RNF32: variants seen among roughly 807,000 people sequenced by gnomAD.
RNF32 encodes the protein ring finger protein 32.
A neutral mutation model predicts 41.0 loss-of-function variants in RNF32; 36 were observed. The observed-to-expected ratio is 0.88, with a 90% CI of 0.67 to 1.16. The LOEUF (loss-of-function observed/expected upper bound fraction) is 1.16. RNF32 is among the 50% of genes most tolerant of loss of function. RNF32 has a pLI of 0.00. For missense variants in RNF32, 413 were observed against 436.7 expected, an observed-to-expected ratio of 0.95 and a Z score of 0.48; for synonymous variants, 154 against 160.9, an observed-to-expected ratio of 0.96 and a Z score of 0.32.
At chr7:156,649,794 C>G (rs1254339047) in intron 3 of RNF32, among the ~76,000 whole-genome samples, 1 of 152,140 alleles carries the variant, frequency 6.6e-6, no homozygotes, top group African/African-American at 2.4e-5. Flanking sequence ...TTTTCACATT[C>G]ACTGTTGCAT....
At chr7:156,652,082 A>C (rs138926105) in intron 3 of RNF32, among the ~76,000 whole-genome samples, 28 of 152,306 alleles carry the variant, frequency 1.8e-4, no homozygotes, top group African/African-American at 6.3e-4. Flanking sequence ...ACCCACACAG[A>C]AGCTCACATG....
At chr7:156,643,681 CCCTGTAGCAGGCATT>C (rs1359752766) in intron 1 of RNF32, 105 bp from the exon 2 acceptor site, 1 of 611,110 alleles carries the variant, frequency 1.6e-6, no homozygotes, top group Non-Finnish European at 2.9e-6. Flanking sequence ...CTTAGTGCCA[CCCTGTAGCAGGCATT>C]CCTGCTGCTT....
At chr7:156,676,182 C>G in intron 8 of RNF32, 2 of 1,277,104 alleles carry the variant, frequency 1.6e-6, no homozygotes, top group Non-Finnish European at 2.1e-6. Flanking sequence ...TTGGATGTTG[C>G]TTATCACAGG....
At chr7:156,660,684 A>G (rs915584073) in intron 7 of RNF32, among the ~76,000 whole-genome samples, 1 of 152,202 alleles carries the variant, frequency 6.6e-6, no homozygotes, top group African/African-American at 2.4e-5. Flanking sequence ...ACAATAAGAA[A>G]TATCTTCTAA....
rs1338660509 is a variant in RNF32, at chr7:156,670,375, C to A, written c.685-5321C>A. On this transcript the variant is annotated intron_variant, in intron 7 of 8. Coordinates refer to ENST00000317955, the MANE Select transcript of RNF32 (RefSeq NM_030936.4). This position sits in a 1 kb window ranked among gnomAD's most constrained non-coding sequence, Gnocchi z 4.3. ...CCTGCGTTTTGCATCCCCTGGAAAGCGGGTCCAGGGAAGTGACTTGCCTAA... is the reference window on the plus strand; with the variant it reads ...CCTGCGTTTTGCATCCCCTGGAAAGAGGGTCCAGGGAAGTGACTTGCCTAA... 6.6e-6 allele frequency among the ~76,000 whole-genome samples: 1 copy of A among 152,184 alleles called. No homozygotes were observed.
chr7:156,658,081 TTATAAG>T, intron 5 of RNF32, 41 bp from the exon 6 acceptor site: 1 of 1,576,268 alleles, frequency 6.3e-7, no homozygotes, highest in Non-Finnish European at 8.7e-7. Context: ...AAAACGTTGT[TTATAAG>T]TAATTACTTG....
intron 3 of RNF32, among the ~76,000 whole-genome samples, chr7:156,653,502 A>T (rs1486982032): frequency 2.0e-5 from 3 of 152,230 alleles, no homozygotes; most frequent in Non-Finnish European, 4.4e-5. Context: ...TAAAAGCCCA[A>T]GAGCTCTTTC....
At chr7:156,676,241 G>A in intron 8 of RNF32, 178 bp from the exon 9 acceptor site, 2 of 1,492,848 alleles carry the variant, frequency 1.3e-6, no homozygotes, top group Non-Finnish European at 1.8e-6. Context: ...GAGTATATGT[G>A]TGTGTATATA....
chr7:156,657,520 G>A lies in RNF32; in HGVS notation c.418-21G>A, dbSNP rs370380281. On this transcript the variant is annotated intron_variant, in intron 4 of 8. Transcript: ENST00000317955. ...CTTCTCTTTTGTAAACTTCAACGTC[G>A]TTCTGTTTCCTCATGAACAGGTGCT... 8.1e-5 allele frequency: 130 copies of A among 1,613,770 alleles called. No individual in the cohort carries two copies. In the African/African-American group the frequency reaches 1.0e-3, roughly 13 times the overall value.
intron 7 of RNF32, chr7:156,659,993 T>C: frequency 2.0e-6 from 2 of 985,536 alleles, no homozygotes; most frequent in South Asian, 4.7e-5. Flanking sequence ...GGCAGATTCA[T>C]AGCTCTGTCC....
chr7:156,675,889 C>T, intron 8 of RNF32, 26 bp downstream of exon 8: 1 of 1,604,756 alleles, frequency 6.2e-7, no homozygotes, highest in Non-Finnish European at 8.5e-7. Flanking sequence ...AGCCTGGCAA[C>T]CAGCAGACTC....
intron 7 of RNF32, among the ~76,000 whole-genome samples, chr7:156,661,878 A>T (rs1800718217): frequency 6.6e-6 from 1 of 152,190 alleles, no homozygotes; most frequent in South Asian, 2.1e-4. Flanking sequence ...GCTGAACTGT[A>T]ATCTTACCTC....
In RNF32 at chr7:156,669,622, C is replaced by T. The variant is rs535201646; in HGVS notation, c.685-6074C>T. Reference sequence around the variant, plus strand: ...AGCAGATAGGTCATTTTCAAGAGGGCGACCCACAGCCACGTGAACACTGGA... The same window carrying T: ...AGCAGATAGGTCATTTTCAAGAGGGTGACCCACAGCCACGTGAACACTGGA... On this transcript the variant is annotated intron_variant, in intron 7 of 8. Transcript: ENST00000317955. This position sits in a 1 kb window ranked among gnomAD's most constrained non-coding sequence, Gnocchi z 4.2. 3.3e-5 allele frequency among the ~76,000 whole-genome samples: 5 copies of T among 152,252 alleles called. No individual in the cohort carries two copies. The highest frequency in any genetic ancestry group is 4.1e-4 in the South Asian group (2 of 4,822).
intron 3 of RNF32, among the ~76,000 whole-genome samples, chr7:156,649,695 T>G (rs1798453147): frequency 6.6e-6 from 1 of 152,212 alleles, no homozygotes; most frequent in African/African-American, 2.4e-5. Context: ...GTTTTCTCCT[T>G]GAGTTTGTTT....
chr7:156,666,500 A>G (rs1472328783), intron 7 of RNF32, among the ~76,000 whole-genome samples: 2 of 152,204 alleles, frequency 1.3e-5, no homozygotes, highest in African/African-American at 2.4e-5. Flanking sequence ...TCGTGCTACA[A>G]TGTAGATCCT....
intron 7 of RNF32, among the ~76,000 whole-genome samples, chr7:156,662,532 T>C (rs1800792373): frequency 6.6e-6 from 1 of 152,092 alleles, no homozygotes; most frequent in Non-Finnish European, 1.5e-5. Flanking sequence ...GTAAAGTGAA[T>C]TGCGTGTGTA....
intron 7 of RNF32, among the ~76,000 whole-genome samples, chr7:156,665,678 T>A (rs1269658911): frequency 1.3e-5 from 2 of 152,206 alleles, no homozygotes; most frequent in Admixed American, 6.5e-5. Flanking sequence ...CCCCTGACTC[T>A]CTGTCAGTGG....
chr7:156,640,351 G>A (rs1461568427), upstream of RNF32: 9 of 446,702 alleles, frequency 2.0e-5, no homozygotes, highest in East Asian at 4.2e-4. Context: ...GGCGGCTGAG[G>A]AGCGTGGCTG....
chr7:156,676,158 T>C, intron 8 of RNF32: 2 of 1,117,488 alleles, frequency 1.8e-6, no homozygotes, highest in Non-Finnish European at 2.5e-6. Flanking sequence ...AGTTTGAAAT[T>C]CTGGAAGTTC....
Sources: gnomAD v4.1 joint callset for allele counts (sites outside exome capture counted in the v4.1 genomes callset) on GRCh38, gnomAD v4.1.1 for gene constraint, Gnocchi (gnomAD v3.1) non-coding constraint, MANE v1.5 for transcripts, NCBI Gene and HGNC (gene_info 2026-07-23, HGNC 2026-07-21) for gene names.